TYRO3: variants seen among roughly 807,000 people sequenced by gnomAD.
TYRO3 encodes the protein tyrosine-protein kinase receptor TYRO3.
Under a neutral mutation model 95.2 loss-of-function variants are expected in TYRO3, and 38 were observed. The ratio of observed to expected loss-of-function variants is 0.40; its 90% CI spans 0.31 to 0.52. The LOEUF is 0.52. Among genes scored for constraint, TYRO3 ranks in the 20% least tolerant of loss-of-function variants. The pLI is 0.56. For synonymous variants in TYRO3, 367 were observed against 432.9 expected (o/e 0.85, Z 1.89); for missense variants, 812 against 1,116.4 (o/e 0.73, Z 3.89).
chr15:41,570,413 T>A, intron 11 of TYRO3, 73 bp downstream of exon 11: 1 of 1,393,114 alleles, frequency 7.2e-7, no homozygotes, highest in Non-Finnish European at 9.9e-7. Context: ...TACCAAATTA[T>A]TAATTTGACT....
At position 41,570,448 on chromosome 15, in the gene TYRO3, C is replaced by T. The variant is rs530977724; in HGVS notation, c.1483+108C>T. 3.8e-6 allele frequency: 5 copies of T among 1,324,494 alleles called. No individual in the cohort carries two copies. In the South Asian group the frequency reaches 5.4e-5, roughly 14 times the overall value. 82.0% of individuals were successfully genotyped at this position (1,324,494 alleles called of 1,614,324 possible). ...TGATATGTCTGAACATCAGTGAGCC[C>T]CAGGCACACAAATCTGCCTGTGTGG... is the stretch of plus-strand genomic sequence containing the variant. On this transcript the variant is annotated intron_variant, in intron 11 of 18. Coordinates refer to ENST00000263798, the MANE Select transcript of TYRO3 (RefSeq NM_006293.4).
In TYRO3 at chr15:41,568,943, C is replaced by G. The variant is rs749043399; in HGVS notation, c.1173C>G (p.Ile391Met). ...LTGWDPQKDL[I>M]VRVCVSNAVG... ...GCTGGGATCCCCAAAAGGACCTGATCGTACGTGTGTGCGTCTCCAATGCAG... is the reference window on the plus strand; with the variant it reads ...GCTGGGATCCCCAAAAGGACCTGATGGTACGTGTGTGCGTCTCCAATGCAG... Residue 391 changes from isoleucine (I) to methionine (M), a missense_variant, in exon 9 of 19, where the codon ATC becomes ATG. Physicochemically the swap from Ile to Met is conservative, Grantham distance 10 (BLOSUM62 1). Transcript: ENST00000263798. 3 of 1,613,868 alleles carry G rather than the reference C, an allele frequency of 1.9e-6. No homozygotes were observed. Among genetic ancestry groups the G allele is most frequent in the Non-Finnish European group, 2.5e-6 (3 of 1,180,028 alleles).
rs1190780433 is a variant in TYRO3 at position 41,567,391 on chromosome 15, T to C, written c.815T>C (p.Leu272Pro). 1.3e-6 allele frequency: 2 copies of C among 1,593,256 alleles called. No homozygotes were observed. Among genetic ancestry groups the C allele is most frequent in the Non-Finnish European group, 1.7e-6 (2 of 1,172,928 alleles). ...CAGGCCCCAGGAGGCTGGGAAGTCC[T>C]GGCTGTTGTGGTCCCTGTGCCCCCC... Reference protein sequence around the residue: ...VTQAPGGWEVLAVVVPVPPFT... With the variant: ...VTQAPGGWEVPAVVVPVPPFT... Residue 272 changes from leucine (L) to proline (P), a missense_variant, in exon 7 of 19, where the codon CTG becomes CCG. Transcript: ENST00000263798.
At chr15:41,572,368 G>A in intron 14 of TYRO3, 75 bp from the exon 15 acceptor site, 1 of 1,557,384 alleles carries the variant, frequency 6.4e-7, no homozygotes, top group Non-Finnish European at 8.7e-7. Flanking sequence ...GGACCCAGCA[G>A]GTGGGGACTT....
intron 13 of TYRO3, 102 bp downstream of exon 13, chr15:41,571,220 G>T (rs1046134368): frequency 8.9e-7 from 1 of 1,125,040 alleles, no homozygotes; most frequent in African/African-American, 1.5e-5. Flanking sequence ...TTTCCAAGAA[G>T]AGCTGGGCAG....
rs914031390 is a variant in TYRO3, at chr15:41,579,831, C to T, written c.*1555C>T. 6.6e-6 allele frequency: 1 copy of T among 150,912 alleles called. No individual in the cohort carries two copies. Among genetic ancestry groups the T allele is most frequent in the African/African-American group, 2.4e-5 (1 of 40,920 alleles). The allele number at this position is 150,912 out of a possible 1,614,324, so 9.3% of individuals were successfully genotyped here. On this transcript the variant is annotated 3_prime_UTR_variant, in exon 19 of 19. Transcript: ENST00000263798. ...GGAGTGCAATTGCGCGATCTGAGCT[C>T]ACTGCAAGCTCTGCCTCCCAGGTTC...
At position 41,567,502 on chromosome 15, in the gene TYRO3, A is replaced by G. The variant is rs1399761189; in HGVS notation, c.926A>G (p.Tyr309Cys). ...RCANALGPSP[Y>C]ADWVPFQTKG... ...GCCAATGCCTTGGGGCCCTCTCCCTATGCTGACTGGGTGCCCTTTCAGACC... is the reference window on the plus strand; with the variant it reads ...GCCAATGCCTTGGGGCCCTCTCCCTGTGCTGACTGGGTGCCCTTTCAGACC... Residue 309 changes from tyrosine to cysteine, a missense_variant, in exon 7 of 19, where the codon TAT becomes TGT. By Grantham distance (194) the Tyr-to-Cys change is radical (BLOSUM62 -2). Coordinates refer to ENST00000263798, the MANE Select transcript of TYRO3 (RefSeq NM_006293.4). The G allele has an allele frequency of 1.9e-6, 3 of 1,593,418 alleles. No individual in the cohort carries two copies. The highest frequency in any genetic ancestry group is 1.7e-6 in the Non-Finnish European group (2 of 1,172,422).
chr15:41,572,716 T>A, intron 15 of TYRO3, 152 bp downstream of exon 15: 1 of 1,061,670 alleles, frequency 9.4e-7, no homozygotes, highest in Non-Finnish European at 1.3e-6. Context: ...CCTTTTAATC[T>A]AGCAGGCTTT....
rs374311727 is a variant in TYRO3 at position 41,572,477 on chromosome 15, C to T, written c.1788C>T (p.Leu596=). ...TCCGGAGCAGGGCTAAAGGCCGTCTCCCCATCCCCATGGTCATCTTGCCCT... is the reference window on the plus strand; with the variant it reads ...TCCGGAGCAGGGCTAAAGGCCGTCTTCCCATCCCCATGGTCATCTTGCCCT... ...VSLRSRAKGR[L]PIPMVILPFM... Residue 596 remains leucine (L), a synonymous_variant, in exon 15 of 19, where the codon CTC becomes CTT. Transcript: ENST00000263798. 6.2e-7 allele frequency: 1 copy of T among 1,614,232 alleles called. No individual in the cohort carries two copies. Among genetic ancestry groups the T allele is most frequent in the Non-Finnish European group, 8.5e-7 (1 of 1,180,048 alleles).
At chr15:41,568,756 C>A in intron 8 of TYRO3, 122 bp from the exon 9 acceptor site, 2 of 1,182,552 alleles carry the variant, frequency 1.7e-6, no homozygotes, top group Non-Finnish European at 2.4e-6. Flanking sequence ...TTCCTGCAGC[C>A]CCTGAACCCA....
intron 18 of TYRO3, among the ~76,000 whole-genome samples, chr15:41,576,137 T>G (rs925282711): frequency 6.6e-6 from 1 of 150,980 alleles, no homozygotes; most frequent in African/African-American, 2.4e-5. Flanking sequence ...TAATTCCTGT[T>G]GGCAGGAGAG....
chr15:41,570,182 G>C (rs200359751), intron 10 of TYRO3, 26 bp downstream of exon 10: 1 of 991,040 alleles, frequency 1.0e-6, no homozygotes, highest in East Asian at 2.3e-5. Context: ...TGTGGAGGGA[G>C]AGGCAGGTAA....
intron 18 of TYRO3, chr15:41,577,614 G>C (rs901926893): frequency 7.9e-6 from 2 of 253,106 alleles, no homozygotes; most frequent in East Asian, 1.7e-4. Context: ...TCAGCCTTCC[G>C]AGTAGCTGGG....
chr15:41,568,938 C>T lies in TYRO3; in HGVS notation c.1168C>T (p.Leu390=). ...GACAGGCTGGGATCCCCAAAAGGAC[C>T]TGATCGTACGTGTGTGCGTCTCCAA... ...NLTGWDPQKD[L]IVRVCVSNAV... Residue 390 remains leucine (L), a synonymous_variant, in exon 9 of 19, where the codon CTG becomes TTG. Coordinates refer to ENST00000263798, the MANE Select transcript of TYRO3 (RefSeq NM_006293.4). 1.2e-6 allele frequency: 2 copies of T among 1,613,774 alleles called. No individual in the cohort carries two copies. The highest frequency in any genetic ancestry group is 1.7e-6 in the Non-Finnish European group (2 of 1,180,038).
chr15:41,564,726 A>G (rs1336131522), intron 5 of TYRO3: 7 of 410,056 alleles, frequency 1.7e-5, no homozygotes, highest in African/African-American at 4.0e-5. Context: ...TCTCCCTTGT[A>G]TCTCCCAAGC....
At chr15:41,569,896 A>G in intron 9 of TYRO3, 131 bp from the exon 10 acceptor site, 7 of 1,166,694 alleles carry the variant, frequency 6.0e-6, no homozygotes, top group Non-Finnish European at 8.3e-6. Context: ...ATTCCTCTGG[A>G]GCCCCTTTCC....
At chr15:41,570,740 G>A (rs373542397) in intron 12 of TYRO3, 41 bp downstream of exon 12, 72 of 1,591,408 alleles carry the variant, frequency 4.5e-5, no homozygotes, top group East Asian at 2.2e-4. Context: ...CTGGTTTGCT[G>A]TAGCTGGAAG....
intron 8 of TYRO3, 21 bp downstream of exon 8, chr15:41,568,383 C>G: frequency 6.4e-7 from 1 of 1,572,460 alleles, no homozygotes; most frequent in Non-Finnish European, 8.7e-7. Flanking sequence ...ACCCTCCCCT[C>G]TCTCCACTCT....
intron 5 of TYRO3, chr15:41,564,703 G>A (rs2055700338): frequency 5.1e-6 from 2 of 388,698 alleles, no homozygotes; most frequent in African/African-American, 2.0e-5. Flanking sequence ...GGCTGCAGGG[G>A]CAGCTGCCTG....
Sources: allele counts gnomAD v4.1 joint callset (sites outside exome capture counted in the v4.1 genomes callset), GRCh38; gene constraint gnomAD v4.1.1; transcripts MANE v1.5; gene names NCBI Gene and HGNC (gene_info 2026-07-23, HGNC 2026-07-21).